Variants in PCDH15 observed in about 807,000 individuals in gnomAD.
PCDH15 encodes the protein protocadherin related 15.
Under a neutral mutation model 178.5 loss-of-function variants are expected in PCDH15, and 129 were observed. The observed-to-expected ratio is 0.72, with a 90% CI of 0.63 to 0.84. The LOEUF (loss-of-function observed/expected upper bound fraction) is 0.84, where lower values mean the gene tolerates loss of function less well. Among genes scored for constraint, PCDH15 ranks in the 40% least tolerant of loss-of-function variants. PCDH15 has a pLI of 0.00. For missense variants in PCDH15, 2,230 were observed against 2,099.9 expected (o/e 1.06, Z -1.21); for synonymous variants, 800 against 732.0 (o/e 1.09, Z -1.50).
chr10:54,843,427 A>AT (rs1953452812), intron 3 of PCDH15, among the ~76,000 whole-genome samples: 1 of 152,024 alleles, frequency 6.6e-6, no homozygotes, highest in Admixed American at 6.6e-5. Flanking sequence ...AAATGCATTT[A>AT]TAATTAGAAA....
At chr10:54,350,001 T>C (rs144797829) in intron 5 of PCDH15, among the ~76,000 whole-genome samples, 112 of 152,096 alleles carry the variant, frequency 7.4e-4, no homozygotes, top group African/African-American at 2.0e-3. Flanking sequence ...CATTAATTTA[T>C]ATCTTTGAAT....
At chr10:54,359,000 G>A (rs1316382237) in intron 5 of PCDH15, among the ~76,000 whole-genome samples, 2 of 138,670 alleles carry the variant, frequency 1.4e-5, no homozygotes, top group Non-Finnish European at 3.1e-5. Flanking sequence ...ATCACACTCT[G>A]GGGACTGTTG....
intron 29 of PCDH15, among the ~76,000 whole-genome samples, chr10:53,839,604 GAGAT>G (rs978652170): frequency 3.8e-4 from 57 of 151,834 alleles, no homozygotes; most frequent in African/African-American, 1.4e-3. Flanking sequence ...ATGTTTCATT[GAGAT>G]AGAATTTCAT....
chr10:55,376,511 A>G (rs1588967533), intron 2 of PCDH15, among the ~76,000 whole-genome samples: 1 of 152,154 alleles, frequency 6.6e-6, no homozygotes, highest in East Asian at 1.9e-4. Flanking sequence ...CTGGCTTTTG[A>G]CTTACAGTAT....
At chr10:54,933,055 C>T (rs1837821717) in intron 2 of PCDH15, among the ~76,000 whole-genome samples, 1 of 152,116 alleles carries the variant, frequency 6.6e-6, no homozygotes, top group African/African-American at 2.4e-5. Context: ...CATTGTATTA[C>T]AATTGTCTAC....
chr10:55,255,975 TG>T (rs1303858408), intron 1 of PCDH15, among the ~76,000 whole-genome samples: 1 of 152,228 alleles, frequency 6.6e-6, no homozygotes, highest in Admixed American at 6.5e-5. Flanking sequence ...TTGTCAATTT[TG>T]GCTTTTGTTG....
intron 26 of PCDH15, among the ~76,000 whole-genome samples, chr10:53,880,530 G>A (rs549638585): frequency 8.2e-4 from 125 of 152,202 alleles, no homozygotes; most frequent in Admixed American, 1.4e-3. Flanking sequence ...CGAATCCTCT[G>A]TAAATTCTGA....
intron 20 of PCDH15, among the ~76,000 whole-genome samples, chr10:54,000,838 A>G (rs2092097889): frequency 6.6e-6 from 1 of 152,182 alleles, no homozygotes; most frequent in African/African-American, 2.4e-5. Context: ...AGTACAAAAG[A>G]TTATAGAACT....
intron 20 of PCDH15, among the ~76,000 whole-genome samples, chr10:54,016,122 C>G (rs2092732710): frequency 6.6e-6 from 1 of 152,012 alleles, no homozygotes; most frequent in East Asian, 1.9e-4. Flanking sequence ...TGAACGCACA[C>G]TTTTCAGAAG....
intron 3 of PCDH15, among the ~76,000 whole-genome samples, chr10:54,407,464 TG>T (rs1402671524): frequency 1.3e-5 from 2 of 152,140 alleles, no homozygotes; most frequent in Non-Finnish European, 2.9e-5. Context: ...TTTTTTAATC[TG>T]GATAATGGCT....
At chr10:55,413,243 T>G (rs976863819) in intron 2 of PCDH15, among the ~76,000 whole-genome samples, 2 of 151,688 alleles carry the variant, frequency 1.3e-5, no homozygotes, top group Non-Finnish European at 2.9e-5. Context: ...TATTCACATA[T>G]TTGTTGAGCA....
intron 1 of PCDH15, among the ~76,000 whole-genome samples, chr10:55,268,149 A>C (rs939173930): frequency 6.6e-6 from 1 of 152,204 alleles, no homozygotes; most frequent in Non-Finnish European, 1.5e-5. Context: ...TACAATTATT[A>C]GTACTGCTTT....
intron 1 of PCDH15, among the ~76,000 whole-genome samples, chr10:54,676,558 C>T (rs2094793665): frequency 6.6e-6 from 1 of 152,206 alleles, no homozygotes; most frequent in African/African-American, 2.4e-5. Context: ...TTGAACAAAG[C>T]ATATGTGGAA....
chr10:55,217,522 A>G (rs1269788972), intron 1 of PCDH15, among the ~76,000 whole-genome samples: 3 of 151,904 alleles, frequency 2.0e-5, no homozygotes, highest in African/African-American at 7.3e-5. Flanking sequence ...ATACACATGA[A>G]ATAGAGCTCA....
At chr10:55,074,742 G>A (rs922550699) in intron 2 of PCDH15, among the ~76,000 whole-genome samples, 1 of 151,974 alleles carries the variant, frequency 6.6e-6, no homozygotes, top group Non-Finnish European at 1.5e-5. Flanking sequence ...TGTCTATTTT[G>A]GCCTTTGTTG....
chr10:55,204,173 A>G (rs981345669), intron 1 of PCDH15, among the ~76,000 whole-genome samples: 2 of 148,778 alleles, frequency 1.3e-5, no homozygotes, highest in Admixed American at 6.7e-5. Context: ...AAAGGATTTT[A>G]TACTAATATA....
chr10:54,222,639 C>T (rs1248367363), intron 9 of PCDH15, among the ~76,000 whole-genome samples: 2 of 152,164 alleles, frequency 1.3e-5, no homozygotes, highest in South Asian at 4.1e-4. Flanking sequence ...CACATTTTCA[C>T]CAACACTTGA....
rs1410974423 is a variant in PCDH15, at chr10:53,805,118, A to C, written c.*1461T>G. On this transcript the variant is annotated 3_prime_UTR_variant, in exon 38 of 38. Coordinates refer to ENST00000644397, the MANE Select transcript of PCDH15 (RefSeq NM_001384140.1). ...ATTCATTCACTTTGGAAATGAGGAA[A>C]TAGCATAATAATAAACAATTTTTAA... 6.6e-6 allele frequency: 1 copy of C among 152,080 alleles called. No homozygotes were observed. The highest frequency in any genetic ancestry group is 2.4e-5 in the African/African-American group (1 of 41,440). 9.4% of individuals were successfully genotyped at this position (152,080 alleles called of 1,614,324 possible).
At chr10:54,167,063 A>G (rs918470231) in intron 13 of PCDH15, among the ~76,000 whole-genome samples, 2 of 152,178 alleles carry the variant, frequency 1.3e-5, no homozygotes, top group African/African-American at 4.8e-5. Flanking sequence ...CACCTGGGTG[A>G]AATAAACAGC....
Sources: allele counts gnomAD v4.1 joint callset (sites outside exome capture counted in the v4.1 genomes callset), GRCh38; gene constraint gnomAD v4.1.1; transcripts MANE v1.5; gene names NCBI Gene and HGNC (gene_info 2026-07-23, HGNC 2026-07-21).